The following LAIR2 variants were observed in gnomAD, a reference collection of about 807,000 sequenced individuals.
LAIR2 encodes leukocyte associated immunoglobulin like receptor 2.
In LAIR2, 14 loss-of-function variants were observed where a neutral mutation model predicts 14.8. That is an observed-to-expected ratio of 0.95 (90% CI 0.62 to 1.48). The LOEUF (loss-of-function observed/expected upper bound fraction) is 1.48. LAIR2 is among the 40% of genes most tolerant of loss of function. The pLI, the probability that LAIR2 is intolerant of heterozygous loss-of-function variation, is 0.00. For synonymous variants in LAIR2, 75 were observed against 74.5 expected, an observed-to-expected ratio of 1.01 and a Z score of -0.03; for missense variants, 172 against 180.9, an observed-to-expected ratio of 0.95 and a Z score of 0.28.
intron 1 of LAIR2, among the ~76,000 whole-genome samples, chr19:54,503,189 C>T (rs1013447255): frequency 1.1e-4 from 16 of 152,038 alleles, no homozygotes; most frequent in East Asian, 1.9e-4. Flanking sequence ...GGGCCAGGCG[C>T]GGTGCTCACA....
intron 2 of LAIR2, among the ~76,000 whole-genome samples, chr19:54,506,826 G>A (rs117379894): frequency 0.036 from 5,524 of 152,264 alleles, 142 homozygotes; most frequent in Middle Eastern, 0.065. Flanking sequence ...AGAAAATTTC[G>A]TCTAGACAGG....
At chr19:54,507,208 A>G (rs1350183489) in intron 2 of LAIR2, among the ~76,000 whole-genome samples, 1 of 150,512 alleles carries the variant, frequency 6.6e-6, no homozygotes, top group African/African-American at 2.4e-5. Context: ...AGTTGAGATA[A>G]ATGGGGTTTT....
At position 54,502,959 on chromosome 19, in the gene LAIR2, C is replaced by A; in HGVS notation, c.34+7C>A. On this transcript the variant is annotated splice_region_variant and intron_variant, in intron 1 of 4. Coordinates refer to ENST00000301202, the MANE Select transcript of LAIR2 (RefSeq NM_002288.6). ...ACTGCTCTCCTGGGCCTAGGTGAGT[C>A]CTGGAGGGAGCGGGAAGGACTGGAA... 1 of 1,612,166 alleles carries A rather than the reference C, an allele frequency of 6.2e-7. No homozygotes were observed. The highest frequency in any genetic ancestry group is 8.5e-7 in the Non-Finnish European group (1 of 1,179,026).
At chr19:54,507,206 T>C (rs147621014) in intron 2 of LAIR2, among the ~76,000 whole-genome samples, 1 of 149,958 alleles carries the variant, frequency 6.7e-6, no homozygotes, top group Non-Finnish European at 1.5e-5. Flanking sequence ...CCAGTTGAGA[T>C]AAATGGGGTT....
chr19:54,505,576 T>A (rs1429993779), intron 2 of LAIR2, among the ~76,000 whole-genome samples: 1 of 152,128 alleles, frequency 6.6e-6, no homozygotes, highest in Admixed American at 6.5e-5. Flanking sequence ...AGTTTTTAAA[T>A]TGCATTCAAA....
At chr19:54,507,309 A>T (rs1244232528) in intron 2 of LAIR2, among the ~76,000 whole-genome samples, 1 of 150,606 alleles carries the variant, frequency 6.6e-6, no homozygotes, top group African/African-American at 2.4e-5. Flanking sequence ...CTCCACAGAG[A>T]TCTGCATTAG....
chr19:54,508,247 C>T, intron 3 of LAIR2, 63 bp downstream of exon 3: 3 of 1,521,816 alleles, frequency 2.0e-6, no homozygotes, highest in South Asian at 1.2e-5. Flanking sequence ...TCCCGAGGTC[C>T]CTGGTCCCTG....
At chr19:54,503,574 G>A (rs528156576) in intron 1 of LAIR2, 126 bp from the exon 2 acceptor site, 59 of 1,106,660 alleles carry the variant, frequency 5.3e-5, no homozygotes, top group African/African-American at 1.5e-4. Context: ...CAGTGATGTC[G>A]AGGAGGGTTG....
rs2085390226 is a variant in LAIR2, at chr19:54,507,780, G to A, written c.71-111G>A. ...CTAAGGTTGGGCTGTGGTCGTGGCT[G>A]CATAACTCTATAAAATTGCTAAAAT... On this transcript the variant is annotated intron_variant, in intron 2 of 4. Transcript: ENST00000301202. 2.0e-5 allele frequency: 21 copies of A among 1,057,246 alleles called. No homozygotes were observed. The South Asian group carries it at 3.1e-4, about 15-fold the overall frequency. 65.5% of individuals were successfully genotyped at this position (1,057,246 alleles called of 1,614,324 possible).
At position 54,507,058 on chromosome 19, in the gene LAIR2, A is replaced by G. The variant is rs578165722; in HGVS notation, c.71-833A>G. ...AAATACATGCAGTTTTAATTTGTCA[A>G]TAATAAGGAATGAATGAAGACGGGA... is the stretch of plus-strand genomic sequence containing the variant. On this transcript the variant is annotated intron_variant, in intron 2 of 4. Coordinates refer to ENST00000301202, the MANE Select transcript of LAIR2 (RefSeq NM_002288.6). 3.5e-3 allele frequency among the ~76,000 whole-genome samples: 532 copies of G among 151,324 alleles called. 2 individuals are homozygous for G. Among genetic ancestry groups the G allele is most frequent in the African/African-American group, 0.011 (471 of 41,172 alleles).
chr19:54,506,274 AT>A (rs768939977), intron 2 of LAIR2, among the ~76,000 whole-genome samples: 8 of 152,236 alleles, frequency 5.3e-5, no homozygotes, highest in African/African-American at 1.9e-4. Flanking sequence ...TGTGCGAATC[AT>A]TTTTTTGTGG....
At chr19:54,507,587 C>T (rs887215114) in intron 2 of LAIR2, among the ~76,000 whole-genome samples, 4 of 152,078 alleles carry the variant, frequency 2.6e-5, no homozygotes, top group African/African-American at 4.8e-5. Flanking sequence ...TGGCCCTGGG[C>T]TCTGCAGCAG....
chr19:54,508,173 T>C lies in LAIR2; in HGVS notation c.353T>C (p.Leu118Pro). ...TCTGAGCACAGTGACTTCCTGGAGCTGCTGGTGAAAGGTGAGGACGTCACC... is the reference window on the plus strand; with the variant it reads ...TCTGAGCACAGTGACTTCCTGGAGCCGCTGGTGAAAGGTGAGGACGTCACC... The part of the protein sequence containing the change: ...GWSEHSDFLE[L>P]LVKESSGGPD... Residue 118 changes from leucine (L) to proline (P), a missense_variant, in exon 3 of 5, where the codon CTG (leucine) becomes CCG (proline). Physicochemically the swap from Leu to Pro is moderately conservative, Grantham distance 98. Transcript: ENST00000301202. 1 of 1,612,220 alleles carries C rather than the reference T, an allele frequency of 6.2e-7. No individual in the cohort carries two copies.
At chr19:54,503,798 G>GA in intron 2 of LAIR2, 63 bp downstream of exon 2, 1 of 1,609,154 alleles carries the variant, frequency 6.2e-7, no homozygotes. Flanking sequence ...AGTGCTGGGT[G>GA]GGAGTGATGT....
At chr19:54,503,104 T>A in intron 1 of LAIR2, 152 bp downstream of exon 1, 2 of 767,602 alleles carry the variant, frequency 2.6e-6, no homozygotes, top group Non-Finnish European at 4.4e-6. Flanking sequence ...GGGGCCTAAG[T>A]CTGATCAGAG....
chr19:54,507,990 C>T lies in LAIR2; in HGVS notation c.170C>T (p.Thr57Ile). The T allele has an allele frequency of 1.2e-6, 2 of 1,614,188 alleles. No homozygotes were observed. The highest frequency in any genetic ancestry group is 2.2e-5 in the South Asian group (2 of 91,086). ...TGCCGGGGCCCGGTTGGGGTTCAAA[C>T]ATTCCGCCTGGAGAGGGAGGATAGA... Reference protein sequence around the residue: ...FMCRGPVGVQTFRLEREDRAK... With the variant: ...FMCRGPVGVQIFRLEREDRAK... Residue 57 changes from threonine (T) to isoleucine (I), a missense_variant, in exon 3 of 5, where the codon ACA becomes ATA. By Grantham distance (89) the Thr-to-Ile change is moderately conservative. Transcript: ENST00000301202.
At chr19:54,507,538 A>G (rs2085387292) in intron 2 of LAIR2, among the ~76,000 whole-genome samples, 1 of 151,672 alleles carries the variant, frequency 6.6e-6, no homozygotes, top group African/African-American at 2.4e-5. Context: ...TGTCATCCCC[A>G]TCGTGTGCCT....
At chr19:54,503,636 T>C in intron 1 of LAIR2, 64 bp from the exon 2 acceptor site, 1 of 1,611,686 alleles carries the variant, frequency 6.2e-7, no homozygotes, top group Non-Finnish European at 8.5e-7. Context: ...AAGCCCCCTT[T>C]TGACAGCAGC....
intron 2 of LAIR2, among the ~76,000 whole-genome samples, chr19:54,507,563 G>A (rs2085387797): frequency 6.6e-6 from 1 of 151,816 alleles, no homozygotes; most frequent in African/African-American, 2.4e-5. Flanking sequence ...CCCACCCTCT[G>A]TCCCTCTAGA....
Sources: allele counts gnomAD v4.1 joint callset (sites outside exome capture counted in the v4.1 genomes callset), GRCh38; gene constraint gnomAD v4.1.1; transcripts MANE v1.5; gene names NCBI Gene and HGNC (gene_info 2026-07-23, HGNC 2026-07-21).